The following PRKN variants were observed in gnomAD, a reference collection of about 807,000 sequenced individuals.
PRKN encodes E3 ubiquitin-protein ligase parkin.
Under a neutral mutation model 59.5 loss-of-function variants are expected in PRKN, and 56 were observed. That is an observed-to-expected ratio of 0.94 (90% CI 0.76 to 1.18). The LOEUF (loss-of-function observed/expected upper bound fraction) is 1.18, where lower values mean the gene tolerates loss of function less well. Among genes scored for constraint, PRKN ranks in the 50% most tolerant of loss-of-function variants. The pLI is 0.00. For missense variants in PRKN, 657 were observed against 596.4 expected (o/e 1.10, Z -1.06); for synonymous variants, 250 against 222.1 (o/e 1.13, Z -1.12).
chr6:162,172,411 C>T (rs913379443), intron 4 of PRKN, among the ~76,000 whole-genome samples: 11 of 152,266 alleles, frequency 7.2e-5, no homozygotes, highest in Middle Eastern at 3.4e-3. Flanking sequence ...CTCTGTGAGC[C>T]GCCTGCTGCC....
chr6:162,501,761 C>T (rs1237728946), intron 1 of PRKN, among the ~76,000 whole-genome samples: 9 of 152,092 alleles, frequency 5.9e-5, no homozygotes, highest in East Asian at 5.8e-4. Context: ...GCAGAACCAA[C>T]GCTTACATTA....
intron 2 of PRKN, among the ~76,000 whole-genome samples, chr6:162,302,280 T>TTCCCA (rs1781996963): frequency 1.3e-5 from 2 of 151,782 alleles, no homozygotes; most frequent in African/African-American, 4.9e-5. Flanking sequence ...CTATTGTGTA[T>TTCCCA]GAGAGGAATC....
At chr6:162,671,104 G>GT (rs1419854845) in intron 1 of PRKN, among the ~76,000 whole-genome samples, 1 of 152,146 alleles carries the variant, frequency 6.6e-6, no homozygotes, top group Non-Finnish European at 1.5e-5. Flanking sequence ...AGCTCTATAT[G>GT]TAACACCAGA....
intron 6 of PRKN, among the ~76,000 whole-genome samples, chr6:161,919,491 G>T (rs1250389753): frequency 6.6e-6 from 1 of 152,172 alleles, no homozygotes. Context: ...TGGAGGATTT[G>T]CATGATGTGT....
intron 1 of PRKN, among the ~76,000 whole-genome samples, chr6:162,701,879 A>G (rs1778168012): frequency 8.0e-6 from 1 of 124,270 alleles, no homozygotes; most frequent in Non-Finnish European, 1.7e-5. Flanking sequence ...ACACACACAC[A>G]CACACACCCC....
intron 1 of PRKN, among the ~76,000 whole-genome samples, chr6:162,555,761 C>T (rs956326839): frequency 2.6e-5 from 4 of 152,060 alleles, no homozygotes; most frequent in African/African-American, 9.7e-5. Context: ...GAGGCCGAGG[C>T]AGGTGGATCA....
At chr6:161,515,370 T>A (rs1778550987) in intron 9 of PRKN, among the ~76,000 whole-genome samples, 1 of 152,234 alleles carries the variant, frequency 6.6e-6, no homozygotes. Context: ...TTTTTATCCA[T>A]GTACATATAT....
intron 7 of PRKN, among the ~76,000 whole-genome samples, chr6:161,639,032 G>A (rs1386728176): frequency 6.6e-6 from 1 of 152,120 alleles, no homozygotes; most frequent in Non-Finnish European, 1.5e-5. Context: ...GTGAACCACT[G>A]TGCCCAGCCG....
At chr6:162,421,122 A>C (rs2874364) in intron 2 of PRKN, among the ~76,000 whole-genome samples, 77,750 of 151,478 alleles carry the variant, frequency 0.51, 20,262 homozygotes, top group East Asian at 0.68. Flanking sequence ...CCTTAACAGA[A>C]CTCCAGGTAA....
intron 4 of PRKN, among the ~76,000 whole-genome samples, chr6:162,128,095 C>T (rs1781193898): frequency 6.6e-6 from 1 of 152,182 alleles, no homozygotes. Context: ...GAACTTTCTG[C>T]TTTCCTTCCC....
At chr6:162,716,772 G>A (rs940232761) in intron 1 of PRKN, among the ~76,000 whole-genome samples, 3 of 134,640 alleles carry the variant, frequency 2.2e-5, no homozygotes, top group South Asian at 2.3e-4. Context: ...GCGCGCGCAC[G>A]CACACACACA....
chr6:161,859,545 A>T (rs1314798728), intron 6 of PRKN, among the ~76,000 whole-genome samples: 1 of 136,708 alleles, frequency 7.3e-6, no homozygotes, highest in African/African-American at 2.7e-5. Flanking sequence ...AGGGAGTTGG[A>T]GGTTTCAGTG....
chr6:162,633,625 C>T (rs1583948848), intron 1 of PRKN, among the ~76,000 whole-genome samples: 1 of 151,936 alleles, frequency 6.6e-6, no homozygotes, highest in African/African-American at 2.4e-5. Flanking sequence ...TGCAGATTGC[C>T]TGAGTTTTGT....
Position 161,407,961 on chromosome 6 carries a change from T to C in PRKN, c.1084-21084A>G, listed in dbSNP as rs2114995425. Reference sequence around the variant, plus strand: ...TACCCAAGTCCTATAAAGCTGCCCCTCTCCTATCTCCCTTCGCTGACTCTC... The same window carrying C: ...TACCCAAGTCCTATAAAGCTGCCCCCCTCCTATCTCCCTTCGCTGACTCTC... On this transcript the variant is annotated intron_variant, in intron 9 of 11. Transcript: ENST00000366898. This position sits in a 1 kb window ranked among gnomAD's most constrained non-coding sequence, Gnocchi z 4.9. 6.6e-6 allele frequency among the ~76,000 whole-genome samples: 1 copy of C among 152,200 alleles called. No individual in the cohort carries two copies. The highest frequency in any genetic ancestry group is 1.9e-4 in the East Asian group (1 of 5,176).
chr6:162,487,985 A>G (rs1792623625), intron 1 of PRKN, among the ~76,000 whole-genome samples: 1 of 150,290 alleles, frequency 6.7e-6, no homozygotes, highest in Non-Finnish European at 1.5e-5. Context: ...TTGCCTAGAC[A>G]GCCTCCCAGA....
chr6:161,469,324 C>A (rs1423734440), intron 9 of PRKN, among the ~76,000 whole-genome samples: 1 of 152,188 alleles, frequency 6.6e-6, no homozygotes, highest in Non-Finnish European at 1.5e-5. Flanking sequence ...GAAGAGGTGC[C>A]TTCCGCCATG....
chr6:162,212,574 C>T (rs190564200), intron 3 of PRKN, among the ~76,000 whole-genome samples: 13 of 152,228 alleles, frequency 8.5e-5, no homozygotes, highest in East Asian at 1.9e-4. Flanking sequence ...AGTCACAGGC[C>T]GGCATGTATT....
At chr6:161,934,771 T>A (rs2128241621) in intron 6 of PRKN, among the ~76,000 whole-genome samples, 1 of 152,268 alleles carries the variant, frequency 6.6e-6, no homozygotes, top group African/African-American at 2.4e-5. Flanking sequence ...CCTGTATTAA[T>A]CTAGTAAAAC....
chr6:161,589,555 A>G (rs1226249690), intron 7 of PRKN, among the ~76,000 whole-genome samples: 1 of 152,094 alleles, frequency 6.6e-6, no homozygotes, highest in Non-Finnish European at 1.5e-5. Context: ...AAAGTTTTCA[A>G]AAGTTTCGAC....
Sources: allele counts gnomAD v4.1 joint callset (sites outside exome capture counted in the v4.1 genomes callset), GRCh38; gene constraint gnomAD v4.1.1; non-coding constraint Gnocchi (gnomAD v3.1); transcripts MANE v1.5; gene names NCBI Gene and HGNC (gene_info 2026-07-23, HGNC 2026-07-21).